The following SHTN1 variants were observed in gnomAD, a reference collection of about 807,000 sequenced individuals.
SHTN1 encodes the protein shootin 1.
A neutral mutation model predicts 83.1 loss-of-function variants in SHTN1; 42 were observed. That is an observed-to-expected ratio of 0.51 (90% CI 0.39 to 0.65). The LOEUF (loss-of-function observed/expected upper bound fraction) is 0.65, where lower values mean the gene tolerates loss of function less well. Ranked by LOEUF, SHTN1 falls within the 30% of genes least tolerant of loss-of-function variation. SHTN1 has a pLI of 0.00. For synonymous variants in SHTN1, 224 were observed against 247.7 expected (o/e 0.90, Z 0.90); for missense variants, 622 against 737.8 (o/e 0.84, Z 1.82).
rs1252648958 is a variant in SHTN1 at position 116,882,432 on chromosome 10, A to G, written c.*3912T>C. On this transcript the variant is annotated 3_prime_UTR_variant, in exon 17 of 17. Coordinates refer to ENST00000355371, the MANE Select transcript of SHTN1 (RefSeq NM_001127211.3). ...AAAAAAAAAATGATGTGACATATCC[A>G]TTGCCTGAATTGCTCTTTTGTAAGC... The G allele has an allele frequency of 0.013, 1 of 80 alleles. No homozygotes were observed. The highest frequency in any genetic ancestry group is 0.045 in the African/African-American group (1 of 22). 0.0% of individuals were successfully genotyped at this position (80 alleles called of 1,614,324 possible).
intron 10 of SHTN1, 112 bp downstream of exon 10, chr10:116,929,737 T>C: frequency 6.6e-6 from 4 of 602,834 alleles, no homozygotes; most frequent in Non-Finnish European, 1.0e-5. Flanking sequence ...TCTTGGTATT[T>C]TTCCACAGCA....
chr10:117,005,660 G>A, upstream of SHTN1: 1 of 873,140 alleles, frequency 1.1e-6, no homozygotes. Flanking sequence ...CTGCCCACAG[G>A]GGCGGGCCCA....
intron 2 of SHTN1, among the ~76,000 whole-genome samples, chr10:117,046,559 C>T (rs1852666651): frequency 6.6e-6 from 1 of 152,052 alleles, no homozygotes; most frequent in Non-Finnish European, 1.5e-5. Flanking sequence ...TATGTACACA[C>T]AAAAACATGA....
intron 2 of SHTN1, among the ~76,000 whole-genome samples, chr10:116,970,416 G>A (rs746116003): frequency 6.6e-6 from 1 of 152,042 alleles, no homozygotes; most frequent in African/African-American, 2.4e-5. Flanking sequence ...CAACATAAAC[G>A]TTAAAAACCA....
intron 7 of SHTN1, among the ~76,000 whole-genome samples, chr10:116,947,247 A>G (rs1433549045): frequency 6.6e-6 from 1 of 152,156 alleles, no homozygotes; most frequent in Non-Finnish European, 1.5e-5. Context: ...TGACGATACC[A>G]TTAGATATTA....
chr10:117,113,919 C>T (rs934892762), intron 1 of SHTN1, among the ~76,000 whole-genome samples: 5 of 152,148 alleles, frequency 3.3e-5, no homozygotes, highest in Admixed American at 2.0e-4. Context: ...TGCTGGCACA[C>T]GCCTATAATC....
chr10:117,101,574 C>A (rs917010678), intron 1 of SHTN1, among the ~76,000 whole-genome samples: 2 of 152,072 alleles, frequency 1.3e-5, no homozygotes, highest in Non-Finnish European at 1.5e-5. Context: ...AAAGAAGGAG[C>A]AGATTCATCT....
chr10:117,052,239 A>T (rs1227295806), intron 1 of SHTN1, among the ~76,000 whole-genome samples: 1 of 151,794 alleles, frequency 6.6e-6, no homozygotes, highest in Non-Finnish European at 1.5e-5. Context: ...TAAGATTTGT[A>T]TACTAAAAAT....
intron 1 of SHTN1, among the ~76,000 whole-genome samples, chr10:116,982,620 T>A (rs771021668): frequency 4.6e-5 from 7 of 152,150 alleles, no homozygotes; most frequent in Non-Finnish European, 1.0e-4. Context: ...CTCAAGTGAT[T>A]CCATCAGAGA....
chr10:116,925,092 C>T (rs1314039048), intron 11 of SHTN1, among the ~76,000 whole-genome samples: 2 of 152,116 alleles, frequency 1.3e-5, no homozygotes, highest in African/African-American at 4.8e-5. Context: ...TTCGTCATGT[C>T]CACTGTGATA....
intron 1 of SHTN1, among the ~76,000 whole-genome samples, chr10:117,070,005 C>T (rs1400632046): frequency 6.6e-6 from 1 of 151,492 alleles, no homozygotes; most frequent in Non-Finnish European, 1.5e-5. Context: ...CAAGGAACTA[C>T]GATGATAGAA....
At chr10:116,946,194 A>AT (rs1849569613) in intron 7 of SHTN1, among the ~76,000 whole-genome samples, 4 of 149,462 alleles carry the variant, frequency 2.7e-5, no homozygotes, top group African/African-American at 9.8e-5. Context: ...ATATATATAT[A>AT]AATATATATA....
At chr10:117,037,535 A>T (rs1256263881) in intron 2 of SHTN1, among the ~76,000 whole-genome samples, 1 of 152,188 alleles carries the variant, frequency 6.6e-6, no homozygotes, top group Non-Finnish European at 1.5e-5. Flanking sequence ...AAGTTATTAC[A>T]CAGACATTGA....
chr10:116,984,655 C>A (rs1286551210), intron 1 of SHTN1, among the ~76,000 whole-genome samples: 1 of 152,178 alleles, frequency 6.6e-6, no homozygotes, highest in Non-Finnish European at 1.5e-5. Flanking sequence ...TGCAAACTGC[C>A]CTTCCTCTGA....
chr10:116,905,313 A>G (rs940618562), intron 15 of SHTN1, among the ~76,000 whole-genome samples: 1 of 152,146 alleles, frequency 6.6e-6, no homozygotes, highest in Non-Finnish European at 1.5e-5. Context: ...ATGAATAACG[A>G]TTATATGTTA....
Position 116,954,140 on chromosome 10 carries a change from A to G in SHTN1, c.338T>C (p.Ile113Thr), listed in dbSNP as rs1452330608. The G allele has an allele frequency of 6.2e-7, 1 of 1,613,668 alleles. No homozygotes were observed. The highest frequency in any genetic ancestry group is 1.3e-5 in the African/African-American group (1 of 74,900). The stretch of plus-strand genomic sequence containing the variant: ...ATCATCAATGTTTATCTCTTCAGTT[A>G]TTACATCTGGTCCCAGCTTGGCCAT... ...LYMAKLGPDV[I>T]TEEINIDDED... Residue 113 changes from isoleucine to threonine, a missense_variant, in exon 5 of 17, where the codon ATA becomes ACA. Ile to Thr is a moderately conservative substitution (Grantham distance 89, BLOSUM62 -1). Transcript: ENST00000355371.
At chr10:116,942,565 C>A (rs1024260725) in intron 8 of SHTN1, among the ~76,000 whole-genome samples, 1 of 152,128 alleles carries the variant, frequency 6.6e-6, no homozygotes, top group Non-Finnish European at 1.5e-5. Flanking sequence ...GTTATGAAGA[C>A]AACTGATAGT....
At chr10:116,971,201 T>C (rs1224462901) in intron 2 of SHTN1, among the ~76,000 whole-genome samples, 2 of 152,170 alleles carry the variant, frequency 1.3e-5, no homozygotes, top group Non-Finnish European at 2.9e-5. Flanking sequence ...ATCTGGTTAC[T>C]AAATCCTGAC....
At chr10:116,933,916 C>T (rs1849060438) in intron 9 of SHTN1, among the ~76,000 whole-genome samples, 1 of 152,116 alleles carries the variant, frequency 6.6e-6, no homozygotes, top group Non-Finnish European at 1.5e-5. Flanking sequence ...CTCTAATGAC[C>T]AGTGATGATG....
Sources: gnomAD v4.1 joint callset for allele counts (sites outside exome capture counted in the v4.1 genomes callset) on GRCh38, gnomAD v4.1.1 for gene constraint, MANE v1.5 for transcripts, NCBI Gene and HGNC (gene_info 2026-07-23, HGNC 2026-07-21) for gene names.